The following P3H2 variants were observed in gnomAD, a reference collection of about 807,000 sequenced individuals.
The protein encoded by P3H2 is leprecan-like 1.
P3H2 carries 80 observed loss-of-function variants against 87.0 expected under a neutral mutation model. The ratio of observed to expected loss-of-function variants is 0.92; its 90% CI spans 0.77 to 1.11. P3H2 has a LOEUF of 1.11. Among genes scored for constraint, P3H2 ranks in the 50% least tolerant of loss-of-function variants. The probability of loss-of-function intolerance (pLI) is 0.00; values close to 1 mark genes in which losing one functional copy is unlikely to be tolerated. For missense variants in P3H2, 1,001 were observed against 923.9 expected (o/e 1.08, Z -1.08); for synonymous variants, 367 against 359.3 (o/e 1.02, Z -0.24).
chr3:189,965,021 CTT>C (rs757357672), intron 13 of P3H2, among the ~76,000 whole-genome samples: 5 of 152,172 alleles, frequency 3.3e-5, no homozygotes, highest in Admixed American at 6.5e-5. Flanking sequence ...AATACAGAAA[CTT>C]TATTCATTCC....
chr3:190,011,290 A>T (rs1724580537), intron 1 of P3H2, among the ~76,000 whole-genome samples: 8 of 142,238 alleles, frequency 5.6e-5, no homozygotes, highest in Admixed American at 5.5e-4. Context: ...AAAAAAAAAT[A>T]GAGTTTCATG....
intron 1 of P3H2, among the ~76,000 whole-genome samples, chr3:189,995,996 A>T (rs1435620114): frequency 6.6e-6 from 1 of 152,220 alleles, no homozygotes; most frequent in East Asian, 1.9e-4. Flanking sequence ...GGGCACCCTT[A>T]TACACTGTTG....
intron 3 of P3H2, among the ~76,000 whole-genome samples, chr3:189,991,011 G>A (rs1017999663): frequency 1.3e-5 from 2 of 152,158 alleles, no homozygotes; most frequent in African/African-American, 2.4e-5. Context: ...GTGGAAGCAG[G>A]TGTAGAGGCG....
intron 1 of P3H2, among the ~76,000 whole-genome samples, chr3:190,061,777 A>G (rs767949459): frequency 6.6e-6 from 1 of 152,124 alleles, no homozygotes; most frequent in Non-Finnish European, 1.5e-5. Context: ...GAAAGAGGTC[A>G]TGATGAAATG....
chr3:189,965,673 A>C (rs1010400655), intron 13 of P3H2, among the ~76,000 whole-genome samples: 1 of 152,090 alleles, frequency 6.6e-6, no homozygotes, highest in Non-Finnish European at 1.5e-5. Flanking sequence ...GAAAGGTAAA[A>C]CCTGTGAAGT....
intron 14 of P3H2, among the ~76,000 whole-genome samples, chr3:189,959,730 T>C (rs1194141948): frequency 2.0e-5 from 3 of 152,140 alleles, no homozygotes; most frequent in African/African-American, 7.2e-5. Flanking sequence ...CAGGTGCAGC[T>C]GGTCTACCTC....
chr3:190,054,529 A>G (rs567379951), intron 1 of P3H2, among the ~76,000 whole-genome samples: 23 of 152,106 alleles, frequency 1.5e-4, no homozygotes, highest in Admixed American at 3.3e-4. Flanking sequence ...CAGTCATGTA[A>G]AATACCTTTG....
chr3:190,074,289 C>A (rs1465964772), intron 1 of P3H2, among the ~76,000 whole-genome samples: 4 of 152,158 alleles, frequency 2.6e-5, no homozygotes, highest in Admixed American at 2.0e-4. Flanking sequence ...GTGAATGGAT[C>A]ACTTGAGGTC....
At chr3:190,105,680 T>C (rs1711805101) in intron 1 of P3H2, among the ~76,000 whole-genome samples, 1 of 152,226 alleles carries the variant, frequency 6.6e-6, no homozygotes, top group East Asian at 1.9e-4. Flanking sequence ...TATATTCCAT[T>C]ATTTTATAAT....
intron 1 of P3H2, among the ~76,000 whole-genome samples, chr3:190,037,464 A>G (rs1402533695): frequency 2.0e-5 from 3 of 152,140 alleles, no homozygotes; most frequent in Non-Finnish European, 2.9e-5. Context: ...CTCTGGATAG[A>G]GTCTGCAGAA....
At chr3:189,969,014 T>C (rs116731733) in intron 13 of P3H2, 379 of 245,730 alleles carry the variant, frequency 1.5e-3, no homozygotes, top group African/African-American at 8.0e-3. Flanking sequence ...GTCAAAAGGA[T>C]AAATTGCAAA....
At chr3:189,971,666 A>G (rs1723181795) in intron 12 of P3H2, 1 of 528,700 alleles carries the variant, frequency 1.9e-6, no homozygotes, top group Admixed American at 3.2e-5. Context: ...TTAAAACAAA[A>G]TGGACATTTT....
At chr3:189,965,584 C>T (rs931859535) in intron 13 of P3H2, among the ~76,000 whole-genome samples, 1 of 152,202 alleles carries the variant, frequency 6.6e-6, no homozygotes. Flanking sequence ...ACGAGTTAGT[C>T]GTGTCCTCAG....
At position 189,973,860 on chromosome 3, in the gene P3H2, C is replaced by T. The variant is rs534399558; in HGVS notation, c.1548+49G>A. On this transcript the variant is annotated intron_variant, in intron 10 of 14. Coordinates refer to ENST00000319332, the MANE Select transcript of P3H2 (RefSeq NM_018192.4). ...TCTTATATCTGCCATTTACAGAAGC[C>T]TTAGGCTGACACTAAGGAACTCAAA... is the stretch of plus-strand genomic sequence containing the variant. The T allele has an allele frequency of 9.1e-5, 128 of 1,399,332 alleles. No homozygotes were observed. The South Asian group carries it at 1.4e-3, about 15-fold the overall frequency. 86.7% of individuals were successfully genotyped at this position (1,399,332 alleles called of 1,614,324 possible). A position where few individuals can be genotyped will look rare whatever the true frequency, so the allele number is the denominator to read the frequency against.
rs1712496223 is a variant in P3H2, at chr3:190,120,324, G to A, written c.408C>T (p.Arg136=). ...AGTCGCTGCGCACATCCTCGCTGACGCGGTGGCGGGATGCGGGGCCCCCGA... is the reference window on the plus strand; with the variant it reads ...AGTCGCTGCGCACATCCTCGCTGACACGGTGGCGGGATGCGGGGCCCCCGA... The part of the protein sequence containing the change: ...QRLGGPASRH[R]VSEDVRSDFQ... Residue 136 remains arginine (R), a synonymous_variant, in exon 1 of 15, where the codon CGC becomes CGT. Coordinates refer to ENST00000319332, the MANE Select transcript of P3H2 (RefSeq NM_018192.4). 2 of 1,602,898 alleles carry A rather than the reference G, an allele frequency of 1.2e-6. No homozygotes were observed. The highest frequency in any genetic ancestry group is 2.7e-5 in the African/African-American group (2 of 74,968).
At chr3:190,022,029 G>C (rs1286022449) in intron 1 of P3H2, among the ~76,000 whole-genome samples, 1 of 134,746 alleles carries the variant, frequency 7.4e-6, no homozygotes, top group Non-Finnish European at 1.7e-5. Context: ...GGGATACATT[G>C]ATAAAAATAA....
chr3:190,044,175 C>A (rs1725727578), intron 1 of P3H2, among the ~76,000 whole-genome samples: 1 of 152,168 alleles, frequency 6.6e-6, no homozygotes. Flanking sequence ...GAATAGGTGT[C>A]CAACTCCATT....
In P3H2 at chr3:190,048,353, T is replaced by C. The variant is rs184964618; in HGVS notation, c.481-52911A>G. On this transcript the variant is annotated intron_variant, in intron 1 of 14. Transcript: ENST00000319332. Reference sequence around the variant, plus strand: ...TCTACTAAAAAATACAAAAGTTATCTGGGCATGGTGGCAGGTGCCTATAAT... The same window carrying C: ...TCTACTAAAAAATACAAAAGTTATCCGGGCATGGTGGCAGGTGCCTATAAT... Among the ~76,000 whole-genome samples, 663 of 152,090 alleles carry C rather than the reference T, an allele frequency of 4.4e-3. 4 individuals carry two copies. The highest frequency in any genetic ancestry group is 0.014 in the African/African-American group (593 of 41,490).
intron 1 of P3H2, among the ~76,000 whole-genome samples, chr3:190,004,460 G>A (rs1724319641): frequency 2.0e-5 from 3 of 152,196 alleles, no homozygotes; most frequent in Admixed American, 2.0e-4. Context: ...TCGGCTCACT[G>A]CAAGCTCCGC....
Sources: allele counts gnomAD v4.1 joint callset (sites outside exome capture counted in the v4.1 genomes callset), GRCh38; gene constraint gnomAD v4.1.1; transcripts MANE v1.5; gene names NCBI Gene and HGNC (gene_info 2026-07-23, HGNC 2026-07-21).